SHISA9: variants seen among roughly 807,000 people sequenced by gnomAD.
SHISA9 encodes the protein shisa family member 9, also known as protein shisa-9.
Under a neutral mutation model 38.0 loss-of-function variants are expected in SHISA9, and 13 were observed. The ratio of observed to expected loss-of-function variants is 0.34; its 90% CI spans 0.22 to 0.54. SHISA9 has a LOEUF of 0.54. SHISA9 is among the 20% of genes least tolerant of loss of function. SHISA9 has a pLI of 0.91. For missense variants in SHISA9, 538 were observed against 575.8 expected (o/e 0.93, Z 0.67); for synonymous variants, 275 against 242.0 (o/e 1.14, Z -1.27).
At chr16:13,198,474 G>C (rs973895832) in intron 2 of SHISA9, among the ~76,000 whole-genome samples, 1 of 152,058 alleles carries the variant, frequency 6.6e-6, no homozygotes, top group Non-Finnish European at 1.5e-5. Flanking sequence ...CTTGGCAAGG[G>C]CAGGATTTGC....
At chr16:13,112,423 G>T (rs900873749) in intron 2 of SHISA9, among the ~76,000 whole-genome samples, 2 of 152,134 alleles carry the variant, frequency 1.3e-5, no homozygotes, top group Non-Finnish European at 2.9e-5. Flanking sequence ...TCATTTGCCA[G>T]CCACACTGTT....
rs1349948341 is a variant in SHISA9, at chr16:13,015,979, CCCTTCCCT to C, written c.691+99165_691+99172del. Among the ~76,000 whole-genome samples the C allele has an allele frequency of 1.2e-4, 6 of 52,004 alleles. 2 individuals are homozygous for C. Among genetic ancestry groups the C allele is most frequent in the African/African-American group, 2.0e-4 (3 of 15,372 alleles). 34.1% of individuals were successfully genotyped at this position (52,004 alleles called of 152,430 possible). A position where few individuals can be genotyped will look rare whatever the true frequency, so the allele number is the denominator to read the frequency against. On this transcript the variant is annotated intron_variant, in intron 2 of 4. Coordinates refer to ENST00000558583, the MANE Select transcript of SHISA9 (RefSeq NM_001145204.3). ...CCCTTCCCTTCCCTTCCCTTCCCTTCCCTTCCCTTCTTTTCTTTTCTTCCTTGAGACAG... is the reference window on the plus strand; with the variant it reads ...CCCTTCCCTTCCCTTCCCTTCCCTTCTCTTTTCTTTTCTTCCTTGAGACAG...
downstream of SHISA9, among the ~76,000 whole-genome samples, chr16:13,240,911 G>A (rs2051430288): frequency 6.7e-6 from 1 of 150,196 alleles, no homozygotes. Flanking sequence ...GAGGCTCGGA[G>A]ATTAGGATGT....
the SHISA9 span, among the ~76,000 whole-genome samples, chr16:13,413,848 A>C: frequency 6.6e-6 from 1 of 150,764 alleles, no homozygotes; most frequent in South Asian, 2.1e-4. Flanking sequence ...TTTACCAGAT[A>C]TGTGAATCAG....
chr16:12,928,619 C>T (rs1419815585), intron 2 of SHISA9, among the ~76,000 whole-genome samples: 1 of 152,000 alleles, frequency 6.6e-6, no homozygotes, highest in African/African-American at 2.4e-5. Context: ...GTTTTGATGC[C>T]TCACCTACTA....
At chr16:12,951,221 CAAAAAAAAAAAAAAAA>C (rs71147772) in intron 2 of SHISA9, among the ~76,000 whole-genome samples, 1 of 11,962 alleles carries the variant, frequency 8.4e-5, no homozygotes, top group African/African-American at 2.3e-4. Context: ...ACTCCTTCTC[CAAAAAAAAAAAAAAAA>C]AAAAAAAAAA....
At chr16:13,090,241 A>G (rs888213001) in intron 2 of SHISA9, among the ~76,000 whole-genome samples, 1 of 152,184 alleles carries the variant, frequency 6.6e-6, no homozygotes, top group Non-Finnish European at 1.5e-5. Flanking sequence ...CAATTTTAGA[A>G]TAAGTGCAAT....
At chr16:13,356,605 G>A in the SHISA9 span, among the ~76,000 whole-genome samples, 1 of 152,110 alleles carries the variant, frequency 6.6e-6, no homozygotes, top group African/African-American at 2.4e-5. Flanking sequence ...GACCTAGCTC[G>A]GCCTGGTGAG....
At chr16:13,384,140 A>G in the SHISA9 span, among the ~76,000 whole-genome samples, 2 of 152,190 alleles carry the variant, frequency 1.3e-5, no homozygotes, top group Non-Finnish European at 2.9e-5. Flanking sequence ...AGAGGCATTG[A>G]AATGTCTAGC....
intron 2 of SHISA9, among the ~76,000 whole-genome samples, chr16:12,957,970 G>C (rs541469646): frequency 6.6e-6 from 1 of 152,184 alleles, no homozygotes; most frequent in African/African-American, 2.4e-5. Flanking sequence ...ACCTCCCCAA[G>C]ATTCCACCTC....
the SHISA9 span, among the ~76,000 whole-genome samples, chr16:13,496,641 G>A: frequency 3.3e-5 from 5 of 151,904 alleles, no homozygotes; most frequent in African/African-American, 1.2e-4. Flanking sequence ...AAATGAGCTG[G>A]AAAAAAATTG....
chr16:12,941,381 GT>G (rs2071609216), intron 2 of SHISA9, among the ~76,000 whole-genome samples: 2 of 151,968 alleles, frequency 1.3e-5, no homozygotes, highest in Non-Finnish European at 2.9e-5. Context: ...ATATTTTAAT[GT>G]TTTTGATACA....
At chr16:12,945,569 T>G (rs2071677222) in intron 2 of SHISA9, among the ~76,000 whole-genome samples, 1 of 152,220 alleles carries the variant, frequency 6.6e-6, no homozygotes, top group Non-Finnish European at 1.5e-5. Context: ...TCTGTAGAAA[T>G]AATTGTTACA....
At chr16:13,099,937 C>A (rs960875426) in intron 2 of SHISA9, among the ~76,000 whole-genome samples, 1 of 152,280 alleles carries the variant, frequency 6.6e-6, no homozygotes, top group South Asian at 2.1e-4. Context: ...CCTTTTGTCC[C>A]TGAATATTTC....
chr16:13,117,721 C>T (rs1209043418), intron 2 of SHISA9, among the ~76,000 whole-genome samples: 1 of 152,246 alleles, frequency 6.6e-6, no homozygotes, highest in Admixed American at 6.5e-5. Flanking sequence ...AGCCCAATTT[C>T]ATACTTCTGG....
chr16:13,109,827 T>C (rs1204750479), intron 2 of SHISA9, among the ~76,000 whole-genome samples: 1 of 152,232 alleles, frequency 6.6e-6, no homozygotes, highest in Non-Finnish European at 1.5e-5. Context: ...CATCCCTGTC[T>C]TAGCAGGTAT....
chr16:13,054,621 AG>A (rs1344661678), intron 2 of SHISA9, among the ~76,000 whole-genome samples: 2 of 152,224 alleles, frequency 1.3e-5, no homozygotes, highest in Admixed American at 1.3e-4. Context: ...TTGCTAAGGA[AG>A]TTTGTTAAAC....
the SHISA9 span, among the ~76,000 whole-genome samples, chr16:13,514,692 C>T: frequency 2.6e-5 from 4 of 152,140 alleles, no homozygotes; most frequent in Non-Finnish European, 4.4e-5. Context: ...AAGTTGTGGT[C>T]AACTTTAATT....
At chr16:13,027,553 T>C (rs1175022691) in intron 2 of SHISA9, among the ~76,000 whole-genome samples, 3 of 152,114 alleles carry the variant, frequency 2.0e-5, no homozygotes, top group Admixed American at 6.6e-5. Flanking sequence ...TGTCTATCAA[T>C]GGGAGAATGA....
Sources: gnomAD v4.1 joint callset for allele counts (sites outside exome capture counted in the v4.1 genomes callset) on GRCh38, gnomAD v4.1.1 for gene constraint, MANE v1.5 for transcripts, NCBI Gene and HGNC (gene_info 2026-07-23, HGNC 2026-07-21) for gene names.